The following POU2F2 variants were observed in gnomAD, a reference collection of about 807,000 sequenced individuals.
POU2F2 encodes POU class 2 homeobox 2.
POU2F2 carries 14 observed loss-of-function variants against 63.5 expected under a neutral mutation model. That is an observed-to-expected ratio of 0.22 (90% confidence interval 0.15 to 0.34). The LOEUF is 0.34. POU2F2 is among the 10% of genes least tolerant of loss of function. The pLI, the probability that POU2F2 is intolerant of heterozygous loss-of-function variation, is 1.00. For synonymous variants in POU2F2, 306 were observed against 348.6 expected (o/e 0.88, Z 1.36); for missense variants, 607 against 815.2 (o/e 0.74, Z 3.11).
At position 42,169,979 on chromosome 19, in the gene POU2F2, G is replaced by T. The variant is rs1168698356; in HGVS notation, c.-70+5984C>A. Among the ~76,000 whole-genome samples the T allele has an allele frequency of 6.6e-6, 1 of 152,060 alleles. No homozygotes were observed. The highest frequency in any genetic ancestry group is 2.4e-5 in the African/African-American group (1 of 41,392). Reference sequence around the variant, plus strand: ...GGTTAATTTCTCCACAGCCAGGCAGGCTGGGCCCTGAGGGGAGTGGTGGGG... The same window carrying T: ...GGTTAATTTCTCCACAGCCAGGCAGTCTGGGCCCTGAGGGGAGTGGTGGGG... On this transcript the variant is annotated intron_variant, in intron 1 of 6. Transcript: ENST00000524801. The surrounding 1 kb of genome is among the most constrained non-coding windows in gnomAD (Gnocchi z 4.3).
At chr19:42,119,365 A>T (rs1009011424) in intron 4 of POU2F2, among the ~76,000 whole-genome samples, 3 of 152,134 alleles carry the variant, frequency 2.0e-5, no homozygotes, top group Non-Finnish European at 4.4e-5. Flanking sequence ...TGTGTATCAT[A>T]TTTTAATACA....
At chr19:42,154,196 AG>A (rs1191962544) in intron 2 of POU2F2, among the ~76,000 whole-genome samples, 1 of 151,722 alleles carries the variant, frequency 6.6e-6, no homozygotes, top group Non-Finnish European at 1.5e-5. Flanking sequence ...CAGGAAAAAA[AG>A]GGGGGGACAG....
In POU2F2 at chr19:42,155,413, C is replaced by T. The variant is rs537965908; in HGVS notation, c.-9+4919G>A. Among the ~76,000 whole-genome samples, 39 of 152,322 alleles carry T rather than the reference C, an allele frequency of 2.6e-4. No homozygotes were observed. In the South Asian group the frequency reaches 4.6e-3, roughly 18 times the overall value. On this transcript the variant is annotated intron_variant, in intron 2 of 6. Transcript: ENST00000524801. This position sits in a 1 kb window ranked among gnomAD's most constrained non-coding sequence, Gnocchi z 4.2. ...GGTCTCCCTCTCCCTCCACTCCCAT[C>T]TGGTGTATTCTGGATTCCCCTTTCT...
intron 1 of POU2F2, among the ~76,000 whole-genome samples, chr19:42,193,830 T>C (rs1459082544): frequency 6.6e-6 from 1 of 152,212 alleles, no homozygotes; most frequent in African/African-American, 2.4e-5. Flanking sequence ...GCAGCATTAT[T>C]CATAATAGCC....
chr19:42,127,449 G>A (rs902527367), intron 1 of POU2F2, among the ~76,000 whole-genome samples: 18 of 151,074 alleles, frequency 1.2e-4, no homozygotes, highest in African/African-American at 2.4e-4. Context: ...GTGGGATCTC[G>A]GCTCACTGCA....
intron 2 of POU2F2, among the ~76,000 whole-genome samples, chr19:42,140,627 C>T (rs2034108669): frequency 6.6e-6 from 1 of 152,228 alleles, no homozygotes; most frequent in South Asian, 2.1e-4. Context: ...CCTCCCTAGT[C>T]ATGCTCCACT....
In POU2F2 at chr19:42,095,290, T is replaced by C. The variant is rs2076876976; in HGVS notation, c.1193A>G (p.His398Arg). 2.5e-6 allele frequency: 4 copies of C among 1,612,670 alleles called. No individual in the cohort carries two copies. Among genetic ancestry groups the C allele is most frequent in the Non-Finnish European group, 3.4e-6 (4 of 1,179,782 alleles). ...SPGKPASYSP[H>R]MVTPQGGAGT... Reference sequence around the variant, plus strand: ...CCCCAGGCGGGCTCTTGGTACCATATGGGGGCTGTAGCTGGCCGGCTTCCC... The same window carrying C: ...CCCCAGGCGGGCTCTTGGTACCATACGGGGGCTGTAGCTGGCCGGCTTCCC... Residue 398 changes from histidine (H) to arginine (R), a missense_variant, in exon 11 of 15, where the codon CAT (histidine) becomes CGT (arginine). His to Arg is a conservative substitution (Grantham distance 29). Transcript: ENST00000692977. The surrounding 1 kb of genome is among the most constrained non-coding windows in gnomAD (Gnocchi z 7.1).
Position 42,117,955 on chromosome 19 carries a change from C to T in POU2F2, c.187-523G>A, listed in dbSNP as rs1483598360. On this transcript the variant is annotated intron_variant, in intron 4 of 14. Transcript: ENST00000692977. This position sits in a 1 kb window ranked among gnomAD's most constrained non-coding sequence, Gnocchi z 4.4. ...TCTTTTTGTTTTTGAGACAAGGTCT[C>T]ACTCTGTTGCCCAAGCTGAAGTGCA... 2.0e-5 allele frequency among the ~76,000 whole-genome samples: 3 copies of T among 151,950 alleles called. 1 individual carries two copies. The highest frequency in any genetic ancestry group is 2.9e-5 in the Non-Finnish European group (2 of 68,010).
chr19:42,093,804 C>G, intron 12 of POU2F2, 25 bp downstream of exon 12: 1 of 1,594,702 alleles, frequency 6.3e-7, no homozygotes, highest in South Asian at 1.1e-5. Context: ...CCAGTCCCCC[C>G]TCACCATTTT....
intron 5 of POU2F2, among the ~76,000 whole-genome samples, chr19:42,113,353 A>C (rs1270366241): frequency 6.6e-6 from 1 of 152,188 alleles, no homozygotes; most frequent in Non-Finnish European, 1.5e-5. Flanking sequence ...GTAAATATCC[A>C]CACAGCCCCC....
intron 2 of POU2F2, among the ~76,000 whole-genome samples, chr19:42,137,699 CAGAG>C (rs1238211734): frequency 6.6e-6 from 1 of 152,116 alleles, no homozygotes; most frequent in Non-Finnish European, 1.5e-5. Flanking sequence ...GCCTGGGTGA[CAGAG>C]AGAGACCCTG....
At chr19:42,135,021 C>T (rs1340589370), upstream of POU2F2, among the ~76,000 whole-genome samples, 4 of 152,058 alleles carry the variant, frequency 2.6e-5, no homozygotes, top group African/African-American at 7.2e-5. Context: ...GCCTCTTCCT[C>T]TTGGCCACCC....
upstream of POU2F2, among the ~76,000 whole-genome samples, chr19:42,134,089 C>T (rs1236496530): frequency 6.6e-6 from 1 of 152,142 alleles, no homozygotes; most frequent in Non-Finnish European, 1.5e-5. Flanking sequence ...ACATGAGGGT[C>T]TTCCCGACAG....
At chr19:42,143,054 G>C (rs1472251234) in intron 2 of POU2F2, among the ~76,000 whole-genome samples, 1 of 152,194 alleles carries the variant, frequency 6.6e-6, no homozygotes, top group Non-Finnish European at 1.5e-5. Flanking sequence ...TGAATGCACA[G>C]ATGTTCACTC....
chr19:42,158,162 G>A (rs2034491484), intron 2 of POU2F2, among the ~76,000 whole-genome samples: 1 of 152,196 alleles, frequency 6.6e-6, no homozygotes, highest in Admixed American at 6.5e-5. Flanking sequence ...TGAACCACCT[G>A]ATATTTTGGC....
upstream of POU2F2, chr19:42,176,029 C>A (rs1180795841): frequency 1.3e-5 from 2 of 151,524 alleles, no homozygotes; most frequent in African/African-American, 4.9e-5. Context: ...AATATCCTCA[C>A]CATCATCGTA....
chr19:42,104,537 G>C (rs530899449), intron 5 of POU2F2, among the ~76,000 whole-genome samples: 5 of 152,232 alleles, frequency 3.3e-5, no homozygotes, highest in African/African-American at 1.2e-4. Context: ...TCACCAGCAA[G>C]AATGAGGAGT....
chr19:42,175,750 G>A (rs1411548363), intron 1 of POU2F2, among the ~76,000 whole-genome samples: 1 of 152,064 alleles, frequency 6.6e-6, no homozygotes, highest in East Asian at 1.9e-4. Flanking sequence ...CCAGAGAGCT[G>A]AGGGGTGCAC....
Position 42,092,340 on chromosome 19 carries a change from G to C in POU2F2, c.1265-70C>G. The C allele has an allele frequency of 8.3e-7, 1 of 1,211,582 alleles. No homozygotes were observed. The highest frequency in any genetic ancestry group is 1.2e-6 in the Non-Finnish European group (1 of 838,720). The allele number at this position is 1,211,582 out of a possible 1,614,324, so 75.1% of individuals were successfully genotyped here. ...TCCCCCACTGAGGAACCTGGGGTCA[G>C]CTCCTACTTGTCCTCCCGCCCAGCT... On this transcript the variant is annotated intron_variant, in intron 12 of 14. Transcript: ENST00000692977. This position sits in a 1 kb window ranked among gnomAD's most constrained non-coding sequence, Gnocchi z 5.0.
Sources: gnomAD v4.1 joint callset for allele counts (sites outside exome capture counted in the v4.1 genomes callset) on GRCh38, gnomAD v4.1.1 for gene constraint, Gnocchi (gnomAD v3.1) non-coding constraint, MANE v1.5 for transcripts, NCBI Gene and HGNC (gene_info 2026-07-23, HGNC 2026-07-21) for gene names.